Variants in ELMO1 observed in about 807,000 individuals in gnomAD.
ELMO1 encodes the protein engulfment and cell motility protein 1.
In ELMO1, 26 loss-of-function variants were observed where a neutral mutation model predicts 98.9. The observed-to-expected ratio is 0.26, with a 90% CI of 0.19 to 0.36. The LOEUF (loss-of-function observed/expected upper bound fraction) is 0.36, where lower values mean the gene tolerates loss of function less well. Ranked by LOEUF, ELMO1 falls within the 10% of genes least tolerant of loss-of-function variation. The probability of loss-of-function intolerance (pLI) is 1.00; values close to 1 mark genes in which losing one functional copy is unlikely to be tolerated. For synonymous variants in ELMO1, 346 were observed against 346.0 expected (o/e 1.00, Z 0.00); for missense variants, 627 against 935.2 (o/e 0.67, Z 4.30).
chr7:37,064,909 G>C (rs1218009993), intron 15 of ELMO1, among the ~76,000 whole-genome samples: 2 of 152,092 alleles, frequency 1.3e-5, no homozygotes, highest in African/African-American at 4.8e-5. Context: ...TCTTAGTTGT[G>C]TTTGCCAGTT....
intron 16 of ELMO1, among the ~76,000 whole-genome samples, chr7:36,974,913 C>G (rs1051477061): frequency 1.3e-5 from 2 of 151,922 alleles, no homozygotes; most frequent in African/African-American, 4.8e-5. Flanking sequence ...ACACTCACTG[C>G]GAACGTCTGC....
intron 14 of ELMO1, among the ~76,000 whole-genome samples, chr7:37,104,638 C>T (rs1001241552): frequency 4.6e-5 from 7 of 152,180 alleles, no homozygotes; most frequent in Non-Finnish European, 8.8e-5. Context: ...GTCCAGGCTG[C>T]GGAGGCCTCA....
chr7:36,985,231 G>T, intron 16 of ELMO1: 1 of 506,732 alleles, frequency 2.0e-6, no homozygotes, highest in Non-Finnish European at 2.5e-6. Context: ...ACCCTCTCTG[G>T]TTTTTCAGGG....
chr7:36,866,693 G>A (rs1252466687), intron 20 of ELMO1, among the ~76,000 whole-genome samples: 1 of 152,186 alleles, frequency 6.6e-6, no homozygotes, highest in Non-Finnish European at 1.5e-5. Context: ...TGGGTCTCAT[G>A]GCACAAAATG....
chr7:37,231,888 C>T (rs1337622438), intron 8 of ELMO1, among the ~76,000 whole-genome samples: 3 of 152,064 alleles, frequency 2.0e-5, no homozygotes, highest in Admixed American at 6.6e-5. Context: ...GGTCTCACTC[C>T]GTCACCCAGA....
intron 16 of ELMO1, among the ~76,000 whole-genome samples, chr7:36,960,759 G>T (rs936056886): frequency 2.6e-5 from 4 of 152,002 alleles, no homozygotes; most frequent in Admixed American, 2.6e-4. Flanking sequence ...CTGTAAAAAG[G>T]CAGCTTGGAG....
Position 37,216,669 on chromosome 7 carries a change from C to G in ELMO1, c.807G>C (p.Lys269Asn). 6.2e-7 allele frequency: 1 copy of G among 1,614,090 alleles called. No homozygotes were observed. The highest frequency in any genetic ancestry group is 8.5e-7 in the Non-Finnish European group (1 of 1,179,990). Residue 269 changes from lysine (K) to asparagine (N), a missense_variant, in exon 11 of 22, where the codon AAG (lysine) becomes AAC (asparagine). Transcript: ENST00000310758. ...CTGTTAAAATGATGGAACGCAGTTG[C>G]TTCTGAGCCAAAATATTCGCCATCT... ...RQEMANILAQ[K>N]QLRSIILTHV...
intron 16 of ELMO1, among the ~76,000 whole-genome samples, chr7:36,895,633 G>A (rs1805935457): frequency 1.3e-5 from 2 of 152,322 alleles, no homozygotes; most frequent in South Asian, 4.1e-4. Context: ...CCCACTGGAA[G>A]CTTCAAGAAA....
chr7:37,105,707 C>T (rs1351386833), intron 14 of ELMO1, among the ~76,000 whole-genome samples: 1 of 152,140 alleles, frequency 6.6e-6, no homozygotes, highest in Admixed American at 6.5e-5. Flanking sequence ...CATTAGCAAA[C>T]CTTTTGTTTT....
chr7:37,346,243 C>T (rs1288964815), intron 1 of ELMO1, among the ~76,000 whole-genome samples: 1 of 152,204 alleles, frequency 6.6e-6, no homozygotes, highest in Admixed American at 6.5e-5. Context: ...AAGAAGGAAG[C>T]TGTGTGTCCC....
chr7:36,982,449 A>G (rs1412835186), intron 16 of ELMO1, among the ~76,000 whole-genome samples: 1 of 152,250 alleles, frequency 6.6e-6, no homozygotes, highest in African/African-American at 2.4e-5. Context: ...GAACTACTAG[A>G]AAAATTAAAA....
At chr7:37,268,826 G>T (rs1478365110) in intron 5 of ELMO1, among the ~76,000 whole-genome samples, 1 of 152,232 alleles carries the variant, frequency 6.6e-6, no homozygotes, top group African/African-American at 2.4e-5. Context: ...ACTGTTCTGT[G>T]ATAAAGGGAG....
chr7:37,050,876 T>A (rs577691586), intron 15 of ELMO1, among the ~76,000 whole-genome samples: 5 of 152,154 alleles, frequency 3.3e-5, no homozygotes, highest in African/African-American at 1.2e-4. Flanking sequence ...CAAACATTTG[T>A]TCCTAATATT....
intron 1 of ELMO1, among the ~76,000 whole-genome samples, chr7:37,430,566 A>C (rs1416158553): frequency 6.6e-6 from 1 of 152,244 alleles, no homozygotes; most frequent in African/African-American, 2.4e-5. Context: ...TTAAGTCTTA[A>C]TGCAAACAAC....
chr7:36,975,156 A>G (rs1009492437), intron 16 of ELMO1, among the ~76,000 whole-genome samples: 3 of 152,332 alleles, frequency 2.0e-5, no homozygotes, highest in Middle Eastern at 6.8e-3. Context: ...TCGCTCAGAC[A>G]TTTTTAAGTC....
At position 36,870,344 on chromosome 7, in the gene ELMO1, C is replaced by T. The variant is rs540895391; in HGVS notation, c.1905+49G>A. 6.2e-5 allele frequency: 99 copies of T among 1,588,664 alleles called. No homozygotes were observed. The highest frequency in any genetic ancestry group is 5.8e-4 in the South Asian group (52 of 90,064). On this transcript the variant is annotated intron_variant, in intron 20 of 21. Coordinates refer to ENST00000310758, the MANE Select transcript of ELMO1 (RefSeq NM_014800.11). This position sits in a 1 kb window ranked among gnomAD's most constrained non-coding sequence, Gnocchi z 4.4. ...GGAGGGCTAGGCTGGCTGCAGTTGC[C>T]GACCGCACTGGGCAAATAGAGCTAT...
At chr7:37,423,527 C>G (rs1405957518) in intron 1 of ELMO1, among the ~76,000 whole-genome samples, 1 of 152,234 alleles carries the variant, frequency 6.6e-6, no homozygotes, top group Non-Finnish European at 1.5e-5. Context: ...TTGCAGTGAG[C>G]TGAGATCTTG....
chr7:37,354,447 C>T (rs1801412275), intron 1 of ELMO1, among the ~76,000 whole-genome samples: 1 of 152,162 alleles, frequency 6.6e-6, no homozygotes, highest in African/African-American at 2.4e-5. Context: ...GAGAGGAGGG[C>T]CTATTCCAGA....
intron 8 of ELMO1, among the ~76,000 whole-genome samples, chr7:37,225,785 A>C (rs1164292371): frequency 6.6e-6 from 1 of 152,238 alleles, no homozygotes; most frequent in Admixed American, 6.5e-5. Flanking sequence ...AGGTTAGAAT[A>C]ATGGATCGCA....
Sources: gnomAD v4.1 joint callset for allele counts (sites outside exome capture counted in the v4.1 genomes callset) on GRCh38, gnomAD v4.1.1 for gene constraint, Gnocchi (gnomAD v3.1) non-coding constraint, MANE v1.5 for transcripts, NCBI Gene and HGNC (gene_info 2026-07-23, HGNC 2026-07-21) for gene names.